CTDP1: variants seen among roughly 807,000 people sequenced by gnomAD.
The protein encoded by CTDP1 is RNA polymerase II subunit A C-terminal domain phosphatase.
A neutral mutation model predicts 91.8 loss-of-function variants in CTDP1; 47 were observed. The observed-to-expected ratio is 0.51, with a 90% CI of 0.41 to 0.65. CTDP1 has a LOEUF of 0.65. CTDP1 is among the 30% of genes least tolerant of loss of function. The pLI is 0.00. For synonymous variants in CTDP1, 656 were observed against 598.5 expected (o/e 1.10, Z -1.40); for missense variants, 1,272 against 1,373.7 (o/e 0.93, Z 1.17).
At chr18:79,750,556 T>C (rs991812473) in intron 12 of CTDP1, among the ~76,000 whole-genome samples, 1 of 151,084 alleles carries the variant, frequency 6.6e-6, no homozygotes, top group African/African-American at 2.4e-5. Flanking sequence ...TGCAGTGGCG[T>C]GATCTCAGCT....
upstream of CTDP1, chr18:79,679,329 A>C: frequency 2.3e-6 from 1 of 438,786 alleles, no homozygotes; most frequent in Non-Finnish European, 4.7e-6. Context: ...CGACAGCCTC[A>C]CGTCTCTGGG....
intron 12 of CTDP1, among the ~76,000 whole-genome samples, chr18:79,744,452 A>G (rs1040887199): frequency 6.6e-6 from 1 of 152,254 alleles, no homozygotes; most frequent in South Asian, 2.1e-4. Context: ...TACATGAGGC[A>G]TGAGAAACAA....
chr18:79,701,324 T>G (rs1027804274), intron 4 of CTDP1, among the ~76,000 whole-genome samples: 1 of 151,872 alleles, frequency 6.6e-6, no homozygotes, highest in Non-Finnish European at 1.5e-5. Flanking sequence ...TCCTGGCTAA[T>G]GCGGTGAAAC....
intron 11 of CTDP1, chr18:79,735,809 C>G (rs2086655730): frequency 6.1e-6 from 1 of 162,926 alleles, no homozygotes; most frequent in Admixed American, 5.8e-5. Context: ...TGAGCTCACC[C>G]CAGGTGTTCA....
intron 8 of CTDP1, 100 bp from the exon 9 acceptor site, chr18:79,717,434 TG>T: frequency 6.5e-7 from 1 of 1,531,390 alleles, no homozygotes; most frequent in Non-Finnish European, 8.9e-7. Flanking sequence ...TGAGCCCTGG[TG>T]GGGTACAGCC....
At chr18:79,749,035 T>G (rs1456546692) in intron 12 of CTDP1, among the ~76,000 whole-genome samples, 1 of 152,252 alleles carries the variant, frequency 6.6e-6, no homozygotes, top group Non-Finnish European at 1.5e-5. Context: ...TGCTGGCGTT[T>G]CTGAAGGTGT....
At chr18:79,735,185 T>C (rs2122774998) in intron 11 of CTDP1, among the ~76,000 whole-genome samples, 1 of 152,216 alleles carries the variant, frequency 6.6e-6, no homozygotes, top group Admixed American at 6.5e-5. Flanking sequence ...TCTCGGGAGT[T>C]GTGCTCCGTC....
chr18:79,752,325 C>T (rs1223732624), intron 12 of CTDP1, among the ~76,000 whole-genome samples: 5 of 138,790 alleles, frequency 3.6e-5, no homozygotes, highest in African/African-American at 1.3e-4. Flanking sequence ...CTAGTGGCAC[C>T]GGCTGGTTAT....
At position 79,680,126 on chromosome 18, in the gene CTDP1, C is replaced by G; in HGVS notation, c.179C>G (p.Ser60Cys). The change falls in exon 1 of 13, where the codon TCC becomes TGC. Residue 60 changes from serine to cysteine, a missense_variant. Ser to Cys is a moderately radical substitution (Grantham distance 112, BLOSUM62 -1). This residue lies in a region of CTDP1 where 214 missense variants were observed against 179.1 expected (regional missense o/e 1.19). Coordinates refer to ENST00000613122, the MANE Select transcript of CTDP1 (RefSeq NM_004715.5). ...AVFEAAASAQ[S>C]SGASQSRVAS... ...TTCGAGGCCGCCGCCTCCGCGCAGT[C>G]CTCCGGGGCCTCTCAGTCCCGTGTA... 1 of 1,429,704 alleles carries G rather than the reference C, an allele frequency of 7.0e-7. No homozygotes were observed. The highest frequency in any genetic ancestry group is 1.5e-5 in the African/African-American group (1 of 67,206). 88.6% of individuals were successfully genotyped at this position (1,429,704 alleles called of 1,614,324 possible).
chr18:79,735,081 G>T (rs2086638628), intron 11 of CTDP1, among the ~76,000 whole-genome samples: 1 of 152,206 alleles, frequency 6.6e-6, no homozygotes, highest in South Asian at 2.1e-4. Context: ...CTCCATGTGG[G>T]CTCGGGGGCT....
intron 7 of CTDP1, 57 bp from the exon 8 acceptor site, chr18:79,714,434 G>C: frequency 1.3e-6 from 2 of 1,584,318 alleles, no homozygotes. Context: ...AACTTGGAAC[G>C]TTATTTAATG....
chr18:79,696,132 A>C, intron 3 of CTDP1, 62 bp downstream of exon 3: 1 of 1,454,812 alleles, frequency 6.9e-7, no homozygotes, highest in South Asian at 1.2e-5. Context: ...GGGCGGCTGC[A>C]GGAGGAGGGT....
At position 79,714,670 on chromosome 18, in the gene CTDP1, A is replaced by C. The variant is rs759680323; in HGVS notation, c.1210A>C (p.Arg404=). The C allele has an allele frequency of 6.2e-7, 1 of 1,611,588 alleles. No homozygotes were observed. The highest frequency in any genetic ancestry group is 8.5e-7 in the Non-Finnish European group (1 of 1,179,440). ...DSPRPGKPDE[R]DIWPPAQAPT... ...ACCCCGCCCCGGGAAGCCAGACGAG[A>C]GGGACATCTGGCCCCCTGCCCAGGC... is the stretch of plus-strand genomic sequence containing the variant. The change falls in exon 8 of 13, where the codon AGG becomes CGG. Residue 404 remains arginine (R), a synonymous_variant. Coordinates refer to ENST00000613122, the MANE Select transcript of CTDP1 (RefSeq NM_004715.5).
rs2085910945 is a variant in CTDP1 at position 79,703,960 on chromosome 18, G to A, written c.622-807G>A. ...CTAGGCGGGTCGTTGCAGGCAGGTA[G>A]CTATTGTGAGTAGTTAGTGTAGCTG... On this transcript the variant is annotated intron_variant, in intron 4 of 12. Coordinates refer to ENST00000613122, the MANE Select transcript of CTDP1 (RefSeq NM_004715.5). 3.3e-5 allele frequency among the ~76,000 whole-genome samples: 5 copies of A among 152,194 alleles called. No homozygotes were observed. The South Asian group carries it at 1.0e-3, about 32-fold the overall frequency.
In CTDP1 at chr18:79,718,054, G is replaced by A. The variant is rs774347624; in HGVS notation, c.2417+38G>A. On this transcript the variant is annotated intron_variant, in intron 10 of 12. Transcript: ENST00000613122. Reference sequence around the variant, plus strand: ...CCAGCCACTGTCCCCAGCTAATGAGGGCTCTTCAAGCTTGCTGCTCCAGTC... The same window carrying A: ...CCAGCCACTGTCCCCAGCTAATGAGAGCTCTTCAAGCTTGCTGCTCCAGTC... 7 of 1,607,546 alleles carry A rather than the reference G, an allele frequency of 4.4e-6. No homozygotes were observed. In the Admixed American group the frequency reaches 6.7e-5, roughly 15 times the overall value.
intron 1 of CTDP1, among the ~76,000 whole-genome samples, chr18:79,692,139 C>T (rs113021302): frequency 7.6e-5 from 5 of 65,932 alleles, no homozygotes; most frequent in African/African-American, 1.3e-4. Flanking sequence ...AGGGTGGACT[C>T]GGGGTGGGGA....
intron 12 of CTDP1, chr18:79,749,717 GTTCGGGACACCC>G (rs1487694040): frequency 6.6e-6 from 1 of 152,250 alleles, no homozygotes; most frequent in Non-Finnish European, 1.5e-5. Flanking sequence ...TCTTCCAGGG[GTTCGGGACACCC>G]CTCACGGCAG....
At position 79,680,160 on chromosome 18, in the gene CTDP1, G is replaced by T; in HGVS notation, c.213G>T (p.Gly71=). Residue 71 remains glycine (G), a synonymous_variant, in exon 1 of 13, where the codon GGG becomes GGT. Coordinates refer to ENST00000613122, the MANE Select transcript of CTDP1 (RefSeq NM_004715.5). Reference sequence around the variant, plus strand: ...CCTCTCAGTCCCGTGTAGCCTCCGGGGGCTGCGTGCGCCCCGCGCGGCCGG... The same window carrying T: ...CCTCTCAGTCCCGTGTAGCCTCCGGTGGCTGCGTGCGCCCCGCGCGGCCGG... The part of the protein sequence containing the change: ...SGASQSRVAS[G]GCVRPARPER... 2 of 1,395,390 alleles carry T rather than the reference G, an allele frequency of 1.4e-6. No homozygotes were observed. The highest frequency in any genetic ancestry group is 1.9e-6 in the Non-Finnish European group (2 of 1,079,714). The allele number at this position is 1,395,390 out of a possible 1,614,324, so 86.4% of individuals were successfully genotyped here. A position where few individuals can be genotyped will look rare whatever the true frequency, so the allele number is the denominator to read the frequency against.
At chr18:79,688,371 T>C (rs776521095) in intron 1 of CTDP1, among the ~76,000 whole-genome samples, 2 of 152,254 alleles carry the variant, frequency 1.3e-5, no homozygotes, top group Non-Finnish European at 2.9e-5. Context: ...TTCAAGCGAT[T>C]CTCCTGCCTC....
Sources: gnomAD v4.1 joint callset for allele counts (sites outside exome capture counted in the v4.1 genomes callset) on GRCh38, gnomAD v4.1.1 for gene constraint, gnomAD v4.1.1 regional missense constraint, MANE v1.5 for transcripts, NCBI Gene and HGNC (gene_info 2026-07-23, HGNC 2026-07-21) for gene names.